Variants in CTNNA3 observed in about 807,000 individuals in gnomAD.
The protein encoded by CTNNA3 is catenin alpha-3.
A neutral mutation model predicts 95.7 loss-of-function variants in CTNNA3; 76 were observed. That is an observed-to-expected ratio of 0.79 (90% CI 0.66 to 0.96). CTNNA3 has a LOEUF of 0.96. CTNNA3 is among the 40% of genes least tolerant of loss of function. The pLI is 0.00. For synonymous variants in CTNNA3, 431 were observed against 374.4 expected, an observed-to-expected ratio of 1.15 and a Z score of -1.74; for missense variants, 1,191 against 1,089.8, an observed-to-expected ratio of 1.09 and a Z score of -1.31.
At chr10:67,560,753 CAG>C (rs1247644758) in intron 3 of CTNNA3, among the ~76,000 whole-genome samples, 1 of 152,020 alleles carries the variant, frequency 6.6e-6, no homozygotes, top group Non-Finnish European at 1.5e-5. Flanking sequence ...ATCTCTTGTG[CAG>C]AGACACACAT....
intron 15 of CTNNA3, among the ~76,000 whole-genome samples, chr10:66,054,650 A>AT (rs1053574463): frequency 1.3e-5 from 2 of 151,982 alleles, no homozygotes; most frequent in African/African-American, 4.8e-5. Flanking sequence ...ATTGGCAAAT[A>AT]TTTTTTTCCA....
intron 13 of CTNNA3, among the ~76,000 whole-genome samples, chr10:66,105,433 C>T (rs538787937): frequency 1.3e-5 from 2 of 152,184 alleles, no homozygotes; most frequent in Non-Finnish European, 2.9e-5. Flanking sequence ...CAACTGAAGG[C>T]TGTCTGGTGT....
At chr10:66,519,162 GA>G (rs753705828) in intron 11 of CTNNA3, among the ~76,000 whole-genome samples, 6 of 152,054 alleles carry the variant, frequency 3.9e-5, no homozygotes, top group Non-Finnish European at 8.8e-5. Context: ...TACTTTTTGA[GA>G]GAATAAAAAA....
chr10:67,262,264 C>T (rs546584033), intron 5 of CTNNA3, among the ~76,000 whole-genome samples: 11 of 152,216 alleles, frequency 7.2e-5, no homozygotes, highest in South Asian at 2.1e-4. Flanking sequence ...CATCATCCAA[C>T]CTATTATCTG....
intron 3 of CTNNA3, among the ~76,000 whole-genome samples, chr10:67,541,131 C>G (rs1840672549): frequency 6.6e-6 from 1 of 151,816 alleles, no homozygotes; most frequent in South Asian, 2.1e-4. Context: ...GGACATATAT[C>G]TTTACATGCA....
chr10:65,918,326 T>G lies in CTNNA3; in HGVS notation c.*2004A>C, dbSNP rs1344768734. On this transcript the variant is annotated 3_prime_UTR_variant, in exon 18 of 18. Transcript: ENST00000433211. The stretch of plus-strand genomic sequence containing the variant: ...TTTAGGAGCTAAGATACACAACTGC[T>G]AGTTTGGTGATTTCAAAAAAATTTT... The G allele has an allele frequency of 6.6e-6, 1 of 152,160 alleles. No homozygotes were observed. The highest frequency in any genetic ancestry group is 1.5e-5 in the Non-Finnish European group (1 of 68,018). 9.4% of individuals were successfully genotyped at this position (152,160 alleles called of 1,614,324 possible).
chr10:66,672,640 T>G (rs958284451), intron 9 of CTNNA3, among the ~76,000 whole-genome samples: 2 of 152,078 alleles, frequency 1.3e-5, no homozygotes, highest in African/African-American at 4.8e-5. Flanking sequence ...CTACAAGGTA[T>G]TTGGTTATGG....
intron 13 of CTNNA3, among the ~76,000 whole-genome samples, chr10:66,214,573 G>C (rs183546580): frequency 6.6e-6 from 1 of 152,024 alleles, no homozygotes; most frequent in East Asian, 1.9e-4. Flanking sequence ...TATTTGGTTA[G>C]AGCAGCTTCT....
intron 17 of CTNNA3, among the ~76,000 whole-genome samples, chr10:65,942,816 C>T (rs1037966027): frequency 6.6e-6 from 1 of 152,078 alleles, no homozygotes; most frequent in African/African-American, 2.4e-5. Flanking sequence ...ATAAAAAAAC[C>T]TAGATTTAAA....
Position 67,521,871 on chromosome 10 carries a change from A to G in CTNNA3, c.550T>C (p.Leu184=), listed in dbSNP as rs770550092. The G allele has an allele frequency of 6.2e-7, 1 of 1,612,864 alleles. No homozygotes were observed. Among genetic ancestry groups the G allele is most frequent in the Admixed American group, 1.7e-5 (1 of 59,974 alleles). ...TGACGTTTGAAGGCTAAATAATCCA[A>G]ATTTTCCAGCTCCTTCCCAAGCTTC... The part of the protein sequence containing the change: ...YQKLGKELEN[L]DYLAFKRQQD... The change falls in exon 5 of 18, where the codon TTG becomes CTG. Residue 184 remains leucine (L), a synonymous_variant. Coordinates refer to ENST00000433211, the MANE Select transcript of CTNNA3 (RefSeq NM_013266.4).
intron 15 of CTNNA3, among the ~76,000 whole-genome samples, chr10:66,018,090 A>T (rs1283057556): frequency 1.3e-5 from 2 of 151,780 alleles, no homozygotes; most frequent in African/African-American, 4.8e-5. Context: ...ACATGATCGA[A>T]TCTCTGTCAT....
chr10:66,541,376 G>C (rs538632374), intron 10 of CTNNA3, among the ~76,000 whole-genome samples: 2 of 152,034 alleles, frequency 1.3e-5, no homozygotes, highest in Admixed American at 6.6e-5. Context: ...AAGAATATTC[G>C]TGTATTAGAA....
chr10:66,406,281 A>G (rs1390933639), intron 11 of CTNNA3, among the ~76,000 whole-genome samples: 1 of 152,148 alleles, frequency 6.6e-6, no homozygotes, highest in Non-Finnish European at 1.5e-5. Flanking sequence ...GATGATTGAG[A>G]TTCTTTCATC....
intron 3 of CTNNA3, among the ~76,000 whole-genome samples, chr10:67,585,900 C>T (rs1427191893): frequency 6.6e-6 from 1 of 151,544 alleles, no homozygotes; most frequent in African/African-American, 2.4e-5. Flanking sequence ...TTTCTAGTTC[C>T]TTGAAGTGTT....
chr10:66,445,567 A>G (rs1466384891), intron 11 of CTNNA3, among the ~76,000 whole-genome samples: 3 of 152,192 alleles, frequency 2.0e-5, no homozygotes, highest in African/African-American at 4.8e-5. Context: ...TTGCTCCTGA[A>G]TGACTACTGG....
chr10:66,137,059 C>T (rs1439430720), intron 13 of CTNNA3, among the ~76,000 whole-genome samples: 1 of 152,050 alleles, frequency 6.6e-6, no homozygotes, highest in Non-Finnish European at 1.5e-5. Context: ...TAACCTCAAG[C>T]GATCTGCCCA....
intron 7 of CTNNA3, among the ~76,000 whole-genome samples, chr10:67,027,718 C>T (rs749346769): frequency 1.4e-4 from 21 of 152,008 alleles, no homozygotes; most frequent in Admixed American, 1.3e-4. Context: ...CATGAGCCAC[C>T]GTGCCCGGCT....
intron 3 of CTNNA3, among the ~76,000 whole-genome samples, chr10:67,573,168 C>T (rs1316961728): frequency 6.6e-6 from 1 of 152,146 alleles, no homozygotes; most frequent in Non-Finnish European, 1.5e-5. Flanking sequence ...ATTATCATGA[C>T]ATCATTACGA....
intron 14 of CTNNA3, among the ~76,000 whole-genome samples, chr10:66,098,971 T>C (rs2081507970): frequency 6.6e-6 from 1 of 152,212 alleles, no homozygotes; most frequent in Non-Finnish European, 1.5e-5. Context: ...ACCTTTACAA[T>C]GCCTACTGGC....
Sources: allele counts gnomAD v4.1 joint callset (sites outside exome capture counted in the v4.1 genomes callset), GRCh38; gene constraint gnomAD v4.1.1; transcripts MANE v1.5; gene names NCBI Gene and HGNC (gene_info 2026-07-23, HGNC 2026-07-21).